Variants in NCOR2 observed in about 807,000 individuals in gnomAD.
NCOR2 encodes nuclear receptor corepressor 2, also known as CTG repeat protein 26.
A neutral mutation model predicts 262.9 loss-of-function variants in NCOR2; 81 were observed. That is an observed-to-expected ratio of 0.31 (90% confidence interval 0.26 to 0.37). The LOEUF is 0.37. NCOR2 is among the 10% of genes least tolerant of loss of function. The pLI, the probability that NCOR2 is intolerant of heterozygous loss-of-function variation, is 1.00. For missense variants in NCOR2, 3,385 were observed against 3,621.4 expected, an observed-to-expected ratio of 0.93 and a Z score of 1.68; for synonymous variants, 1,659 against 1,559.3, an observed-to-expected ratio of 1.06 and a Z score of -1.51.
chr12:124,534,035 T>C (rs1014342762), intron 1 of NCOR2, among the ~76,000 whole-genome samples: 6 of 151,978 alleles, frequency 3.9e-5, no homozygotes, highest in East Asian at 1.9e-4. Flanking sequence ...AGCCAAAAGA[T>C]TGGACAACCC....
intron 13 of NCOR2, among the ~76,000 whole-genome samples, chr12:124,418,719 C>T (rs965253716): frequency 6.6e-6 from 1 of 152,184 alleles, no homozygotes; most frequent in Non-Finnish European, 1.5e-5. Context: ...AAGATGGGGA[C>T]TTGTAGGCCA....
intron 5 of NCOR2, 55 bp downstream of exon 7, chr12:124,466,118 T>G: frequency 6.6e-7 from 1 of 1,509,338 alleles, no homozygotes. Flanking sequence ...GTGCCCCCTG[T>G]GAAGCGCCTC....
chr12:124,427,655 C>G (rs1044013961), intron 10 of NCOR2, among the ~76,000 whole-genome samples: 3 of 152,210 alleles, frequency 2.0e-5, no homozygotes, highest in Non-Finnish European at 2.9e-5. Flanking sequence ...AGAGAATCCC[C>G]CCAAGAGGCT....
chr12:124,495,199 C>T lies in NCOR2; in HGVS notation c.53G>A (p.Arg18His), dbSNP rs561460980. Residue 18 changes from arginine (R) to histidine (H), a missense_variant, in exon 1 of 47, where the codon CGC (arginine) becomes CAC (histidine). Physicochemically the swap from Arg to His is conservative, Grantham distance 29. This residue lies in a region of NCOR2 where 237 missense variants were observed against 229.4 expected (regional missense o/e 1.03). Coordinates refer to ENST00000405201, the Ensembl canonical transcript of NCOR2. The surrounding 1 kb of genome is among the most constrained non-coding windows in gnomAD (Gnocchi z 4.4). ...GTAGGAAAGGCTGTGGGGCGGGTAG[C>T]GGGGCTCAGTGGCCCTCCACGTCTG... The T allele has an allele frequency of 2.0e-5, 32 of 1,613,884 alleles. No individual in the cohort carries two copies. Among genetic ancestry groups the T allele is most frequent in the Middle Eastern group, 1.7e-4 (1 of 6,056 alleles).
chr12:124,444,098 T>C (rs79494085), intron 7 of NCOR2, among the ~76,000 whole-genome samples: 2,748 of 152,232 alleles, frequency 0.018, 82 homozygotes, highest in African/African-American at 0.063. Context: ...GTGTTCAACA[T>C]TCCTCTGGCA....
At position 124,566,793 on chromosome 12, in the gene NCOR2, G is replaced by T. The variant is rs1413203457; in HGVS notation, c.-165+515C>A. Among the ~76,000 whole-genome samples the T allele has an allele frequency of 6.6e-6, 1 of 152,194 alleles. No homozygotes were observed. The highest frequency in any genetic ancestry group is 1.5e-5 in the Non-Finnish European group (1 of 68,022). ...GCGCCCCGTGGCCCCACGCCTAGGAGGGACAAGGCTGGCTCTCCCCCTCGG... is the reference window on the plus strand; with the variant it reads ...GCGCCCCGTGGCCCCACGCCTAGGATGGACAAGGCTGGCTCTCCCCCTCGG... On this transcript the variant is annotated intron_variant, in intron 1 of 32. Transcript: ENST00000458234. The surrounding 1 kb of genome is among the most constrained non-coding windows in gnomAD (Gnocchi z 4.3).
Position 124,503,010 on chromosome 12 carries a change from C to T in NCOR2, c.-117-7642G>A, listed in dbSNP as rs553203204. Among the ~76,000 whole-genome samples the T allele has an allele frequency of 1.7e-4, 26 of 152,306 alleles. No homozygotes were observed. Among genetic ancestry groups the T allele is most frequent in the African/African-American group, 6.3e-4 (26 of 41,556 alleles). Reference sequence around the variant, plus strand: ...ACTCCCTAAGGAAGAGCCAGGTACCCAACCCCAGCCTGTCGTTGGCTCTGC... The same window carrying T: ...ACTCCCTAAGGAAGAGCCAGGTACCTAACCCCAGCCTGTCGTTGGCTCTGC... On this transcript the variant is annotated intron_variant, in intron 1 of 46. Transcript: ENST00000404621. The surrounding 1 kb of genome is among the most constrained non-coding windows in gnomAD (Gnocchi z 4.3).
chr12:124,427,651 TCCC>T (rs1295195033), intron 10 of NCOR2, among the ~76,000 whole-genome samples: 1 of 151,882 alleles, frequency 6.6e-6, no homozygotes, highest in African/African-American at 2.4e-5. Context: ...TGGGAGAGAA[TCCC>T]CCCAAGAGGC....
At position 124,428,090 on chromosome 12, in the gene NCOR2, C is replaced by CGTGTGTGTGTGTGTGTGTGTGTGTGTGT. The variant is rs1412280487; in HGVS notation, c.1150-1291_1150-1290insACACACACACACACACACACACACACAC. Among the ~76,000 whole-genome samples the CGTGTGTGTGTGTGTGTGTGTGTGTGTGT allele has an allele frequency of 1.7e-4, 24 of 138,180 alleles. No individual in the cohort carries two copies. In the East Asian group the frequency reaches 2.4e-3, roughly 14 times the overall value. 90.7% of individuals were successfully genotyped at this position (138,180 alleles called of 152,430 possible). Reference sequence around the variant, plus strand: ...GTGTGTGTGTGTGTGTGTGTGTGTACATGCAACAATCAGCCCAGGTGCCAC... The same window carrying CGTGTGTGTGTGTGTGTGTGTGTGTGTGT: ...GTGTGTGTGTGTGTGTGTGTGTGTACGTGTGTGTGTGTGTGTGTGTGTGTGTGTATGCAACAATCAGCCCAGGTGCCAC... On this transcript the variant is annotated intron_variant, in intron 10 of 46. Coordinates refer to ENST00000405201, the Ensembl canonical transcript of NCOR2.
intron 1 of NCOR2, among the ~76,000 whole-genome samples, chr12:124,547,839 G>A (rs998377827): frequency 6.6e-6 from 1 of 152,148 alleles, no homozygotes; most frequent in Non-Finnish European, 1.5e-5. Flanking sequence ...GCATGCATCC[G>A]TACTTCATTC....
chr12:124,465,802 T>C (rs2046385523), intron 5 of NCOR2, among the ~76,000 whole-genome samples: 2 of 152,104 alleles, frequency 1.3e-5, no homozygotes, highest in African/African-American at 4.8e-5. Flanking sequence ...GGTCATAATG[T>C]CATTATCTTT....
exon 43 of NCOR2, chr12:124,332,423 G>A (rs758178960): frequency 1.9e-6 from 3 of 1,614,118 alleles, no homozygotes; most frequent in Non-Finnish European, 1.7e-6. Flanking sequence ...GCTGAAGAAG[G>A]CTGGCGGCTG....
chr12:124,396,230 G>T (rs900911190), intron 16 of NCOR2, among the ~76,000 whole-genome samples: 1 of 152,190 alleles, frequency 6.6e-6, no homozygotes, highest in Admixed American at 6.5e-5. Flanking sequence ...TCCATCTGGG[G>T]TGAGAAAAAG....
chr12:124,354,044 C>A (rs763167313), intron 27 of NCOR2, 49 bp downstream of exon 29: 2 of 1,520,840 alleles, frequency 1.3e-6, no homozygotes, highest in Non-Finnish European at 1.8e-6. Context: ...GATGGGCTGG[C>A]CCCGTGCTGG....
chr12:124,438,099 A>T, intron 7 of NCOR2, 103 bp from the exon 10 acceptor site: 2 of 1,124,758 alleles, frequency 1.8e-6, no homozygotes, highest in Non-Finnish European at 2.6e-6. Context: ...TTGCCCCGTT[A>T]TTGGTTCTCA....
chr12:124,437,397 A>G (rs946526933), intron 8 of NCOR2, among the ~76,000 whole-genome samples: 1 of 152,226 alleles, frequency 6.6e-6, no homozygotes, highest in Non-Finnish European at 1.5e-5. Flanking sequence ...AGTGAGAAGC[A>G]GGAATCAGCA....
chr12:124,480,970 T>C (rs1207780239), intron 3 of NCOR2, among the ~76,000 whole-genome samples: 2 of 149,774 alleles, frequency 1.3e-5, no homozygotes, highest in East Asian at 2.0e-4. Context: ...GGGCAGGTAA[T>C]GAAGGCAAGG....
intron 45 of NCOR2, 102 bp from the exon 48 acceptor site, chr12:124,326,472 T>G (rs988532196): frequency 5.2e-6 from 6 of 1,159,420 alleles, no homozygotes; most frequent in Non-Finnish European, 5.7e-6. Context: ...CCATGGGCCC[T>G]CCAAAGAGGG....
chr12:124,484,540 G>T (rs977423649), intron 2 of NCOR2, among the ~76,000 whole-genome samples: 1 of 152,206 alleles, frequency 6.6e-6, no homozygotes. Flanking sequence ...GGCTAAGCAG[G>T]GAATCCACAG....
Sources: gnomAD v4.1 joint callset for allele counts (sites outside exome capture counted in the v4.1 genomes callset) on GRCh38, gnomAD v4.1.1 for gene constraint, gnomAD v4.1.1 regional missense constraint, Gnocchi (gnomAD v3.1) non-coding constraint, MANE v1.5 for transcripts, NCBI Gene and HGNC (gene_info 2026-07-23, HGNC 2026-07-21) for gene names.